Variants in P2RX7 observed in about 807,000 individuals in gnomAD.
P2RX7 encodes P2X purinoceptor 7.
In P2RX7, 62 loss-of-function variants were observed where a neutral mutation model predicts 71.6. The ratio of observed to expected loss-of-function variants is 0.87; its 90% confidence interval spans 0.71 to 1.07. The LOEUF is 1.07. Among genes scored for constraint, P2RX7 ranks in the 50% least tolerant of loss-of-function variants. The pLI is 0.00. For missense variants in P2RX7, 686 were observed against 748.5 expected (o/e 0.92, Z 0.97); for synonymous variants, 299 against 283.3 (o/e 1.06, Z -0.56).
intron 8 of P2RX7, among the ~76,000 whole-genome samples, chr12:121,174,373 C>T (rs1488547594): frequency 6.6e-6 from 1 of 151,854 alleles, no homozygotes; most frequent in Non-Finnish European, 1.5e-5. Context: ...AAAAATTAGC[C>T]ACCTGTAGTG....
chr12:121,178,047 C>CAAAAAAG, intron 11 of P2RX7, among the ~76,000 whole-genome samples: 1 of 151,020 alleles, frequency 6.6e-6, no homozygotes, highest in South Asian at 2.1e-4. Flanking sequence ...TTGGTATAGC[C>CAAAAAAG]AAAAAAGAAA....
At chr12:121,160,077 G>A (rs1205116814) in intron 3 of P2RX7, among the ~76,000 whole-genome samples, 4 of 151,982 alleles carry the variant, frequency 2.6e-5, no homozygotes, top group African/African-American at 9.7e-5. Flanking sequence ...TCTAATTCCA[G>A]AATATTTTCT....
At chr12:121,133,210 G>A (rs1403657414) in intron 1 of P2RX7, 115 bp downstream of exon 1, 50 of 1,212,510 alleles carry the variant, frequency 4.1e-5, no homozygotes, top group Non-Finnish European at 5.4e-5. Context: ...AATCTGAGAC[G>A]TGCTCTCACA....
chr12:121,144,815 C>G (rs983910589), intron 1 of P2RX7, among the ~76,000 whole-genome samples: 1 of 152,002 alleles, frequency 6.6e-6, no homozygotes, highest in Admixed American at 6.6e-5. Flanking sequence ...GGCAACTGAA[C>G]GGGTGAGTGG....
chr12:121,155,040 C>T, intron 2 of P2RX7, 87 bp downstream of exon 2: 1 of 1,560,880 alleles, frequency 6.4e-7, no homozygotes, highest in Non-Finnish European at 8.7e-7. Context: ...TACAGCCTCA[C>T]TCCAGAAAAA....
chr12:121,173,281 G>T (rs954475059), intron 8 of P2RX7, among the ~76,000 whole-genome samples: 17 of 152,246 alleles, frequency 1.1e-4, no homozygotes, highest in Non-Finnish European at 2.4e-4. Context: ...TGCCTCCTGG[G>T]TTCAAGTGAT....
In P2RX7 at chr12:121,165,386, T is replaced by C. The variant is rs201666360; in HGVS notation, c.563T>C (p.Phe188Ser). ...GCTCTCTTGAACAGTGCCGAAAACT[T>C]CACTGTGCTCATCAAGAACAATATC... ...RPALLNSAEN[F>S]TVLIKNNIDF... The change falls in exon 6 of 13, where the codon TTC becomes TCC. Residue 188 changes from phenylalanine (F) to serine (S), a missense_variant. By Grantham distance (155) the Phe-to-Ser change is radical. Coordinates refer to ENST00000328963, the MANE Select transcript of P2RX7 (RefSeq NM_002562.6). The C allele has an allele frequency of 1.9e-6, 3 of 1,614,018 alleles. No homozygotes were observed. The highest frequency in any genetic ancestry group is 2.5e-6 in the Non-Finnish European group (3 of 1,179,978).
At position 121,154,820 on chromosome 12, in the gene P2RX7, A is replaced by G; in HGVS notation, c.161A>G (p.Lys54Arg). ...GTGAGTGACAAGCTGTACCAGCGGA[A>G]AGAGCCTGTCATCAGTTCTGTGCAC... is the stretch of plus-strand genomic sequence containing the variant. ...ALVSDKLYQR[K>R]EPVISSVHTK... is the part of the protein sequence containing the mutation. The change falls in exon 2 of 13, where the codon AAA (lysine) becomes AGA (arginine). Residue 54 changes from lysine to arginine, a missense_variant. Lys to Arg is a conservative substitution (Grantham distance 26, BLOSUM62 2). Transcript: ENST00000328963. The surrounding 1 kb of genome is among the most constrained non-coding windows in gnomAD (Gnocchi z 4.2). The G allele has an allele frequency of 6.2e-7, 1 of 1,614,116 alleles. No individual in the cohort carries two copies. Among genetic ancestry groups the G allele is most frequent in the East Asian group, 2.2e-5 (1 of 44,886 alleles).
intron 3 of P2RX7, 37 bp from the exon 4 acceptor site, chr12:121,160,865 T>C (rs910310381): frequency 6.8e-7 from 1 of 1,480,562 alleles, no homozygotes; most frequent in Non-Finnish European, 9.5e-7. Context: ...GTAACACACG[T>C]CACTTACTCC....
chr12:121,135,954 A>C (rs1184393110), intron 1 of P2RX7, among the ~76,000 whole-genome samples: 1 of 140,510 alleles, frequency 7.1e-6, no homozygotes. Flanking sequence ...CAGTGAGCCA[A>C]GATTGCACCA....
intron 9 of P2RX7, 100 bp from the exon 10 acceptor site, chr12:121,177,047 C>A: frequency 2.0e-6 from 2 of 989,640 alleles, no homozygotes; most frequent in South Asian, 1.4e-5. Flanking sequence ...CAAGTCACAG[C>A]ATGAGGCTCC....
chr12:121,156,411 G>C (rs550490453), intron 3 of P2RX7, among the ~76,000 whole-genome samples: 1 of 152,358 alleles, frequency 6.6e-6, no homozygotes, highest in African/African-American at 2.4e-5. Flanking sequence ...CGGCAACCCT[G>C]CTCTTTCTAT....
Position 121,166,188 on chromosome 12 carries a change from G to A in P2RX7, c.744+1G>A. On this transcript the variant is annotated splice_donor_variant, in intron 7 of 12. Coordinates refer to ENST00000328963, the MANE Select transcript of P2RX7 (RefSeq NM_002562.6). LOFTEE classifies it high-confidence loss of function. ...TAATTTTTCAGATGTGGCAATTCAG[G>A]TTGGTGGTGCTTTGTACACTGGGAT... 5.0e-6 allele frequency: 8 copies of A among 1,612,574 alleles called. No homozygotes were observed. Among genetic ancestry groups the A allele is most frequent in the Non-Finnish European group, 6.8e-6 (8 of 1,178,964 alleles).
chr12:121,160,045 A>G (rs1367249637), intron 3 of P2RX7, among the ~76,000 whole-genome samples: 2 of 152,166 alleles, frequency 1.3e-5, no homozygotes, highest in Non-Finnish European at 2.9e-5. Flanking sequence ...ATAATCACAG[A>G]GTTGTGCAAC....
chr12:121,138,938 G>C (rs767518303), intron 1 of P2RX7, among the ~76,000 whole-genome samples: 1 of 152,152 alleles, frequency 6.6e-6, no homozygotes. Flanking sequence ...CACCACTTTG[G>C]AGAATTCTTT....
intron 9 of P2RX7, among the ~76,000 whole-genome samples, 193 bp from the exon 10 acceptor site, chr12:121,176,954 C>A (rs928091121): frequency 3.9e-5 from 6 of 152,082 alleles, no homozygotes; most frequent in African/African-American, 1.4e-4. Flanking sequence ...CCAAGCACAC[C>A]CTGCACGGCT....
Position 121,177,396 on chromosome 12 carries a change from A to G in P2RX7, c.1138A>G (p.Asn380Asp), listed in dbSNP as rs1883338864. The change falls in exon 11 of 13, where the codon AAC becomes GAC. Residue 380 changes from asparagine (N) to aspartate (D), a missense_variant. Coordinates refer to ENST00000328963, the MANE Select transcript of P2RX7 (RefSeq NM_002562.6). ...WCKCCQPCVV[N>D]EYYYRKKCES... is the part of the protein sequence containing the mutation. ...CAAGTGCTGTCAGCCCTGTGTGGTC[A>G]ACGAATACTACTACAGGAAGAAGTG... 1.2e-6 allele frequency: 2 copies of G among 1,613,904 alleles called. No individual in the cohort carries two copies. The highest frequency in any genetic ancestry group is 1.7e-6 in the Non-Finnish European group (2 of 1,180,030).
chr12:121,167,360 C>A, intron 7 of P2RX7, 128 bp from the exon 8 acceptor site: 1 of 1,035,122 alleles, frequency 9.7e-7, no homozygotes, highest in Admixed American at 2.0e-5. Context: ...TGGGGCTGTA[C>A]ATATGGTTCT....
rs781674250 is a variant in P2RX7 at position 121,184,745 on chromosome 12, C to G, written c.1731C>G (p.Ile577Met). 6.4e-7 allele frequency: 1 copy of G among 1,555,764 alleles called. No individual in the cohort carries two copies. Among genetic ancestry groups the G allele is most frequent in the East Asian group, 2.4e-5 (1 of 41,290 alleles). ...TGCCCAGCTGCTGCCGCTGGAGGAT[C>G]CGGAAAGAGTTTCCGAAGAGTGAAG... ...AILPSCCRWR[I>M]RKEFPKSEGQ... Residue 577 changes from isoleucine to methionine, a missense_variant, in exon 13 of 13, where the codon ATC becomes ATG. Ile to Met is a conservative substitution (Grantham distance 10). Coordinates refer to ENST00000328963, the MANE Select transcript of P2RX7 (RefSeq NM_002562.6).
Sources: allele counts gnomAD v4.1 joint callset (sites outside exome capture counted in the v4.1 genomes callset), GRCh38; gene constraint gnomAD v4.1.1; non-coding constraint Gnocchi (gnomAD v3.1); transcripts MANE v1.5; gene names NCBI Gene and HGNC (gene_info 2026-07-23, HGNC 2026-07-21).